The following SGCZ variants were observed in gnomAD, a reference collection of about 807,000 sequenced individuals.
The protein encoded by SGCZ is zeta-sarcoglycan.
Under a neutral mutation model 41.3 loss-of-function variants are expected in SGCZ, and 40 were observed. The observed-to-expected ratio is 0.97, with a 90% CI of 0.75 to 1.26. SGCZ has a LOEUF of 1.26. SGCZ is among the 50% of genes most tolerant of loss of function. SGCZ has a pLI of 0.00. For synonymous variants in SGCZ, 206 were observed against 137.5 expected, an observed-to-expected ratio of 1.50 and a Z score of -3.49; for missense variants, 552 against 369.8, an observed-to-expected ratio of 1.49 and a Z score of -4.04.
intron 1 of SGCZ, among the ~76,000 whole-genome samples, chr8:15,208,782 G>A (rs1057072640): frequency 1.3e-5 from 2 of 149,642 alleles, no homozygotes; most frequent in African/African-American, 2.5e-5. Flanking sequence ...CAAACTGCAA[G>A]ATGCTAATAA....
intron 4 of SGCZ, among the ~76,000 whole-genome samples, chr8:14,188,224 G>C (rs934993600): frequency 6.6e-6 from 1 of 152,200 alleles, no homozygotes; most frequent in African/African-American, 2.4e-5. Context: ...CATTCTGAAA[G>C]TAATTCAAAC....
At chr8:14,576,764 T>C (rs927973498) in intron 1 of SGCZ, among the ~76,000 whole-genome samples, 3 of 152,104 alleles carry the variant, frequency 2.0e-5, no homozygotes, top group Non-Finnish European at 4.4e-5. Context: ...AAGCATTGTG[T>C]TGGAAACATG....
At chr8:14,517,816 CA>C (rs1240371982) in intron 2 of SGCZ, among the ~76,000 whole-genome samples, 2 of 151,392 alleles carry the variant, frequency 1.3e-5, no homozygotes, top group Non-Finnish European at 3.0e-5. Context: ...TCATGATTTC[CA>C]TTTATATTTT....
At chr8:15,231,435 T>C (rs1464073296) in intron 1 of SGCZ, among the ~76,000 whole-genome samples, 1 of 152,088 alleles carries the variant, frequency 6.6e-6, no homozygotes, top group African/African-American at 2.4e-5. Flanking sequence ...TTTTAGAATG[T>C]GAGGCTACAT....
chr8:14,752,984 A>G (rs1799546419), intron 1 of SGCZ, among the ~76,000 whole-genome samples: 1 of 152,150 alleles, frequency 6.6e-6, no homozygotes, highest in African/African-American at 2.4e-5. Flanking sequence ...TTCACCTCTC[A>G]GCAATTGGTC....
At chr8:14,285,730 C>T (rs890537) in intron 3 of SGCZ, among the ~76,000 whole-genome samples, 149,306 of 152,140 alleles carry the variant, frequency 0.98, 73,329 homozygotes, top group East Asian at 1. Context: ...TCTATGTCTC[C>T]ACACTTAATA....
chr8:14,614,958 T>C (rs1806049439), intron 1 of SGCZ, among the ~76,000 whole-genome samples: 1 of 151,376 alleles, frequency 6.6e-6, no homozygotes, highest in Non-Finnish European at 1.5e-5. Context: ...ATACATATCA[T>C]TTTATATATA....
chr8:14,879,239 G>A (rs1403734331), intron 1 of SGCZ: 1 of 152,216 alleles, frequency 6.6e-6, no homozygotes, highest in East Asian at 1.9e-4. Context: ...GAGGAGGGAG[G>A]ATCTCTTAAG....
At chr8:14,764,701 G>A (rs1030878607) in intron 1 of SGCZ, among the ~76,000 whole-genome samples, 1 of 152,126 alleles carries the variant, frequency 6.6e-6, no homozygotes, top group Non-Finnish European at 1.5e-5. Context: ...TGAAATTCTT[G>A]TACCTTGATT....
chr8:14,303,408 A>T (rs569151213), intron 3 of SGCZ, among the ~76,000 whole-genome samples: 2 of 152,182 alleles, frequency 1.3e-5, no homozygotes, highest in African/African-American at 4.8e-5. Context: ...TATATATATT[A>T]CAAAGGACAT....
intron 1 of SGCZ, among the ~76,000 whole-genome samples, chr8:15,219,682 G>T (rs945730224): frequency 6.6e-6 from 1 of 152,124 alleles, no homozygotes; most frequent in African/African-American, 2.4e-5. Flanking sequence ...TCATCTAAGT[G>T]AATACAGAAG....
At chr8:15,197,745 C>G (rs537814498) in intron 1 of SGCZ, among the ~76,000 whole-genome samples, 2 of 152,208 alleles carry the variant, frequency 1.3e-5, no homozygotes, top group East Asian at 1.9e-4. Flanking sequence ...CTAAAATTAA[C>G]CACTGATTAT....
At chr8:14,814,352 C>T (rs931145353) in intron 1 of SGCZ, among the ~76,000 whole-genome samples, 6 of 151,902 alleles carry the variant, frequency 3.9e-5, no homozygotes, top group Admixed American at 2.0e-4. Context: ...TTTTCCTAAG[C>T]GTGGAGAGGA....
intron 3 of SGCZ, among the ~76,000 whole-genome samples, chr8:14,259,629 G>C (rs1412903066): frequency 6.8e-5 from 9 of 132,478 alleles, no homozygotes; most frequent in Non-Finnish European, 1.1e-4. Context: ...GTAGATATGC[G>C]GCGTTATTTC....
At chr8:14,585,090 G>T (rs1805015846) in intron 1 of SGCZ, among the ~76,000 whole-genome samples, 1 of 152,038 alleles carries the variant, frequency 6.6e-6, no homozygotes, top group Non-Finnish European at 1.5e-5. Context: ...ATTCTGAAAA[G>T]GTCAATACTT....
intron 3 of SGCZ, among the ~76,000 whole-genome samples, chr8:14,304,253 G>A (rs1337541069): frequency 1.3e-5 from 2 of 151,770 alleles, no homozygotes; most frequent in African/African-American, 4.8e-5. Flanking sequence ...GACCAGCCTA[G>A]GCAACATGGT....
intron 1 of SGCZ, among the ~76,000 whole-genome samples, chr8:15,168,808 A>C (rs1301593219): frequency 2.6e-5 from 4 of 152,138 alleles, no homozygotes; most frequent in African/African-American, 9.7e-5. Context: ...CCCTCCCCTC[A>C]GATGCATCCT....
chr8:14,255,321 T>C (rs60685224), intron 3 of SGCZ, among the ~76,000 whole-genome samples: 106,360 of 152,002 alleles, frequency 0.7, 37,638 homozygotes, highest in South Asian at 0.84. Context: ...CTTGTCACAT[T>C]CACTTCATGA....
chr8:14,589,345 C>T (rs1350295594), intron 1 of SGCZ, among the ~76,000 whole-genome samples: 1 of 122,510 alleles, frequency 8.2e-6, no homozygotes, highest in Non-Finnish European at 1.8e-5. Flanking sequence ...GACTCCATCT[C>T]AAAAAAAAAA....
Sources: gnomAD v4.1 joint callset for allele counts (sites outside exome capture counted in the v4.1 genomes callset) on GRCh38, gnomAD v4.1.1 for gene constraint, MANE v1.5 for transcripts, NCBI Gene and HGNC (gene_info 2026-07-23, HGNC 2026-07-21) for gene names.